Variants in DLC1 observed in about 807,000 individuals in gnomAD.
DLC1 encodes the protein DLC1 Rho GTPase activating protein.
In DLC1, 54 loss-of-function variants were observed where a neutral mutation model predicts 140.3. The ratio of observed to expected loss-of-function variants is 0.38; its 90% CI spans 0.31 to 0.48. The LOEUF (loss-of-function observed/expected upper bound fraction) is 0.48. DLC1 is among the 20% of genes least tolerant of loss of function. The pLI is 0.96. For synonymous variants in DLC1, 986 were observed against 728.1 expected (o/e 1.35, Z -5.70); for missense variants, 2,536 against 1,907.0 (o/e 1.33, Z -6.14).
intron 5 of DLC1, among the ~76,000 whole-genome samples, chr8:13,275,962 A>G (rs1046186323): frequency 3.3e-5 from 5 of 152,208 alleles, no homozygotes; most frequent in African/African-American, 1.2e-4. Context: ...GACAGTCACA[A>G]GGACCTTGCT....
intron 7 of DLC1, among the ~76,000 whole-genome samples, chr8:13,105,586 TTTC>T (rs1449191835): frequency 6.6e-6 from 1 of 151,802 alleles, no homozygotes; most frequent in East Asian, 1.9e-4. Flanking sequence ...TTCCTTTCTT[TTTC>T]TTCTTTTTTT....
chr8:13,161,824 C>A (rs7837117), intron 5 of DLC1, among the ~76,000 whole-genome samples: 3,069 of 152,232 alleles, frequency 0.02, 113 homozygotes, highest in African/African-American at 0.068. Flanking sequence ...AACTCATGTT[C>A]AGAGCCCTGT....
At chr8:13,180,293 C>G (rs1825962662) in intron 5 of DLC1, among the ~76,000 whole-genome samples, 1 of 152,170 alleles carries the variant, frequency 6.6e-6, no homozygotes. Context: ...ATATGTATCT[C>G]TCTTATCCAC....
chr8:13,147,635 G>A (rs777641973), intron 5 of DLC1, among the ~76,000 whole-genome samples: 13 of 152,166 alleles, frequency 8.5e-5, no homozygotes, highest in Non-Finnish European at 1.5e-4. Context: ...GAGCTTGAGA[G>A]TGTGGGATCT....
intron 4 of DLC1, among the ~76,000 whole-genome samples, chr8:13,368,168 A>G (rs1364755599): frequency 6.6e-6 from 1 of 152,174 alleles, no homozygotes; most frequent in Non-Finnish European, 1.5e-5. Flanking sequence ...ATAATTGGGA[A>G]TTTTTAAACA....
At chr8:13,460,527 A>G (rs1305915218) in intron 2 of DLC1, among the ~76,000 whole-genome samples, 1 of 152,228 alleles carries the variant, frequency 6.6e-6, no homozygotes, top group East Asian at 1.9e-4. Context: ...GGATCAAAGT[A>G]AGGAAGCATT....
At chr8:13,329,575 C>A (rs893117635) in intron 4 of DLC1, among the ~76,000 whole-genome samples, 6 of 152,140 alleles carry the variant, frequency 3.9e-5, no homozygotes, top group Non-Finnish European at 7.4e-5. Context: ...GAAATATTGA[C>A]TTTTTTCTAC....
At chr8:13,396,059 T>TG in intron 3 of DLC1, among the ~76,000 whole-genome samples, 1 of 57,996 alleles carries the variant, frequency 1.7e-5, no homozygotes. Context: ...ATTTCTTTTC[T>TG]TTCTTTTTTT....
At chr8:13,295,438 TCTC>T (rs1429524620) in intron 5 of DLC1, among the ~76,000 whole-genome samples, 1 of 152,174 alleles carries the variant, frequency 6.6e-6, no homozygotes, top group Non-Finnish European at 1.5e-5. Context: ...GATCCACACT[TCTC>T]CTGCATTAGA....
At chr8:13,589,590 C>A (rs185743763) in intron 1 of DLC1, among the ~76,000 whole-genome samples, 3 of 151,812 alleles carry the variant, frequency 2.0e-5, no homozygotes, top group African/African-American at 7.2e-5. Flanking sequence ...ATTTAATGAC[C>A]TTGAGGATGT....
intron 1 of DLC1, among the ~76,000 whole-genome samples, chr8:13,508,951 C>G (rs764008446): frequency 1.3e-5 from 2 of 152,086 alleles, no homozygotes; most frequent in African/African-American, 4.8e-5. Flanking sequence ...GAAGTATTGC[C>G]TTTCCTCTGA....
chr8:13,120,689 A>C (rs1325355064), intron 5 of DLC1, among the ~76,000 whole-genome samples: 1 of 152,126 alleles, frequency 6.6e-6, no homozygotes, highest in Non-Finnish European at 1.5e-5. Flanking sequence ...ACAACAGACA[A>C]ATGCCGTAAG....
At chr8:13,557,184 C>A (rs921825658) in intron 1 of DLC1, among the ~76,000 whole-genome samples, 2 of 152,102 alleles carry the variant, frequency 1.3e-5, no homozygotes, top group Admixed American at 1.3e-4. Flanking sequence ...TTACATAAAA[C>A]CTTTAAACTG....
rs1476600842 is a variant in DLC1 at position 13,084,247 on chromosome 8, C to G, written c.*1564G>C. On this transcript the variant is annotated 3_prime_UTR_variant, in exon 18 of 18. Transcript: ENST00000276297. ...ATCAAAATTGAATATCCATGTATATCTTCATGAGGAACACTGATATCCAAA... is the reference window on the plus strand; with the variant it reads ...ATCAAAATTGAATATCCATGTATATGTTCATGAGGAACACTGATATCCAAA... 6.6e-6 allele frequency: 1 copy of G among 152,566 alleles called. No individual in the cohort carries two copies. Among genetic ancestry groups the G allele is most frequent in the Middle Eastern group, 3.2e-3 (1 of 316 alleles). 9.5% of individuals were successfully genotyped at this position (152,566 alleles called of 1,614,324 possible). A position where few individuals can be genotyped will look rare whatever the true frequency, so the allele number is the denominator to read the frequency against.
chr8:13,559,300 G>A (rs1035006075), intron 1 of DLC1: 6 of 152,244 alleles, frequency 3.9e-5, no homozygotes, highest in South Asian at 2.1e-4. Flanking sequence ...AGCCTCCTGG[G>A]TTGACAGCTT....
At chr8:13,378,772 G>C (rs912240143) in intron 4 of DLC1, among the ~76,000 whole-genome samples, 1 of 152,082 alleles carries the variant, frequency 6.6e-6, no homozygotes, top group Non-Finnish European at 1.5e-5. Flanking sequence ...ATTTAATTTA[G>C]TTCTAGAGAT....
intron 2 of DLC1, among the ~76,000 whole-genome samples, chr8:13,418,607 G>T (rs1838178408): frequency 1.3e-5 from 2 of 152,076 alleles, no homozygotes; most frequent in South Asian, 2.1e-4. Flanking sequence ...ATGCTGTTTT[G>T]GTTACTGTAG....
intron 5 of DLC1, among the ~76,000 whole-genome samples, chr8:13,123,233 G>C (rs1256101544): frequency 6.6e-6 from 1 of 152,074 alleles, no homozygotes; most frequent in Non-Finnish European, 1.5e-5. Context: ...TCCTAACAAT[G>C]TCCCACATGT....
chr8:13,092,027 A>G (rs1411256240), intron 13 of DLC1, among the ~76,000 whole-genome samples: 1 of 152,156 alleles, frequency 6.6e-6, no homozygotes, highest in Non-Finnish European at 1.5e-5. Context: ...CGGGTGGATC[A>G]TAAGGTCAGG....
Sources: allele counts gnomAD v4.1 joint callset (sites outside exome capture counted in the v4.1 genomes callset), GRCh38; gene constraint gnomAD v4.1.1; transcripts MANE v1.5; gene names NCBI Gene and HGNC (gene_info 2026-07-23, HGNC 2026-07-21).